Variants in B3GALNT2 observed in about 807,000 individuals in gnomAD.
B3GALNT2 encodes the protein beta-1,3-N-acetylgalactosaminyltransferase 2, also known as UDP-GalNAc:beta-1,3-N-acetylgalactosaminyltransferase 2.
Under a neutral mutation model 61.1 loss-of-function variants are expected in B3GALNT2, and 53 were observed. The ratio of observed to expected loss-of-function variants is 0.87; its 90% CI spans 0.70 to 1.09. B3GALNT2 has a LOEUF of 1.09. B3GALNT2 is among the 50% of genes least tolerant of loss of function. The pLI, the probability that B3GALNT2 is intolerant of heterozygous loss-of-function variation, is 0.00. For missense variants in B3GALNT2, 544 were observed against 623.0 expected (o/e 0.87, Z 1.35); for synonymous variants, 223 against 237.4 (o/e 0.94, Z 0.56).
At chr1:235,471,024 C>T in intron 5 of B3GALNT2, 64 bp from the exon 6 acceptor site, 1 of 1,562,522 alleles carries the variant, frequency 6.4e-7, no homozygotes, top group Non-Finnish European at 8.7e-7. Flanking sequence ...TTTAAGTATG[C>T]TTTCAGGCAA....
chr1:235,480,877 G>C (rs903698209), intron 4 of B3GALNT2, among the ~76,000 whole-genome samples: 1 of 112,518 alleles, frequency 8.9e-6, no homozygotes, highest in Non-Finnish European at 1.6e-5. Context: ...CTGCACTCCA[G>C]CCTGGACCGC....
chr1:235,448,542 C>G lies in B3GALNT2; in HGVS notation c.*1664G>C. 1 of 1,396,928 alleles carries G rather than the reference C, an allele frequency of 7.2e-7. No individual in the cohort carries two copies. Among genetic ancestry groups the G allele is most frequent in the Non-Finnish European group, 1.0e-6 (1 of 982,850 alleles). 86.5% of individuals were successfully genotyped at this position (1,396,928 alleles called of 1,614,324 possible). A position where few individuals can be genotyped will look rare whatever the true frequency, so the allele number is the denominator to read the frequency against. On this transcript the variant is annotated 3_prime_UTR_variant, in exon 12 of 12. Coordinates refer to ENST00000366600, the MANE Select transcript of B3GALNT2 (RefSeq NM_152490.5). ...CAACAGTTTGATTCTAAATGGAGACCATGGGTCTGTTTGTTTGATTTTAAG... is the reference window on the plus strand; with the variant it reads ...CAACAGTTTGATTCTAAATGGAGACGATGGGTCTGTTTGTTTGATTTTAAG...
rs1215801638 is a variant in B3GALNT2, at chr1:235,484,499, A to C, written c.378T>G (p.Ile126Met). 2 of 1,613,986 alleles carry C rather than the reference A, an allele frequency of 1.2e-6. No individual in the cohort carries two copies. Among genetic ancestry groups the C allele is most frequent in the African/African-American group, 2.7e-5 (2 of 75,048 alleles). Residue 126 changes from isoleucine (I) to methionine (M), a missense_variant, in exon 4 of 12, where the codon ATT becomes ATG. Ile to Met is a conservative substitution (Grantham distance 10). Coordinates refer to ENST00000366600, the MANE Select transcript of B3GALNT2 (RefSeq NM_152490.5). ...TGTCTTCGGACAGACTGAACGCTTC[A>C]ATTTCCTGATTCAAAACTAAGTAAT... Reference protein sequence around the residue: ...NITNPVLNQEIEAFSLSEDTS... With the variant: ...NITNPVLNQEMEAFSLSEDTS...
At chr1:235,485,923 T>C (rs546512218) in intron 3 of B3GALNT2, among the ~76,000 whole-genome samples, 6 of 152,266 alleles carry the variant, frequency 3.9e-5, no homozygotes, top group African/African-American at 1.4e-4. Context: ...GGTGAAACTC[T>C]GTCTCTACGA....
At chr1:235,446,228 T>C (rs1682272284), downstream of B3GALNT2, among the ~76,000 whole-genome samples, 2 of 152,050 alleles carry the variant, frequency 1.3e-5, no homozygotes, top group South Asian at 4.1e-4. Context: ...CAGGCTAGAG[T>C]GCAGTGGCAT....
intron 7 of B3GALNT2, among the ~76,000 whole-genome samples, chr1:235,460,594 G>C (rs1002319484): frequency 1.4e-5 from 2 of 147,336 alleles, no homozygotes; most frequent in African/African-American, 5.0e-5. Flanking sequence ...TTTTTTTTGA[G>C]ACAGGGTCTT....
rs766253909 is a variant in B3GALNT2, at chr1:235,458,794, G to A, written c.842-8C>T. The stretch of plus-strand genomic sequence containing the variant: ...GTAAGAGAGCATCACCTTCTATAAA[G>A]GAAAAGTTGAGAGTTGGAGAAAAAT... On this transcript the variant is annotated splice_region_variant and splice_polypyrimidine_tract_variant and intron_variant, in intron 7 of 11. Transcript: ENST00000366600. 6.4e-7 allele frequency: 1 copy of A among 1,567,974 alleles called. No individual in the cohort carries two copies. Among genetic ancestry groups the A allele is most frequent in the African/African-American group, 1.4e-5 (1 of 72,690 alleles).
rs746993541 is a variant in B3GALNT2 at position 235,455,670 on chromosome 1, G to C, written c.1040C>G (p.Thr347Arg). Residue 347 changes from threonine to arginine, a missense_variant, in exon 9 of 12, where the codon ACG (threonine) becomes AGG (arginine). Physicochemically the swap from Thr to Arg is moderately conservative, Grantham distance 71 (BLOSUM62 -1). Transcript: ENST00000366600. The part of the protein sequence containing the change: ...LNFYRWTVET[T>R]SFNLLLKTDD... ...TGTCTTCAGCAACAAATTGAAGCTC[G>C]TTGTTTCCACAGTCCTGTTGACACA... The C allele has an allele frequency of 6.2e-7, 1 of 1,609,016 alleles. No homozygotes were observed.
intron 7 of B3GALNT2, among the ~76,000 whole-genome samples, chr1:235,459,642 T>A (rs974195223): frequency 1.3e-5 from 2 of 151,656 alleles, no homozygotes; most frequent in African/African-American, 4.8e-5. Flanking sequence ...AATAAATAAA[T>A]AAAGAGACGT....
downstream of B3GALNT2, among the ~76,000 whole-genome samples, chr1:235,444,916 A>G (rs1682143150): frequency 6.6e-6 from 1 of 152,266 alleles, no homozygotes; most frequent in Non-Finnish European, 1.5e-5. Flanking sequence ...CCGTCTGGGC[A>G]TATGCCTGAA....
chr1:235,494,583 G>A lies in B3GALNT2; in HGVS notation c.260+98C>T, dbSNP rs539581881. On this transcript the variant is annotated intron_variant, in intron 2 of 11. Coordinates refer to ENST00000366600, the MANE Select transcript of B3GALNT2 (RefSeq NM_152490.5). ...GCAATCCTTCCACCTCAGCCTCCCCGGTAGCTGGGACGACGGGCACACACC... is the reference window on the plus strand; with the variant it reads ...GCAATCCTTCCACCTCAGCCTCCCCAGTAGCTGGGACGACGGGCACACACC... 702 of 1,327,362 alleles carry A rather than the reference G, an allele frequency of 5.3e-4. 3 individuals are homozygous for A. The African/African-American group carries it at 8.5e-3, about 16-fold the overall frequency. 82.2% of individuals were successfully genotyped at this position (1,327,362 alleles called of 1,614,324 possible).
chr1:235,469,404 T>C (rs761916129), intron 6 of B3GALNT2, among the ~76,000 whole-genome samples: 52 of 152,250 alleles, frequency 3.4e-4, no homozygotes, highest in Non-Finnish European at 2.8e-4. Flanking sequence ...AGTCTTCATA[T>C]ACCTGCTTTA....
intron 3 of B3GALNT2, 109 bp downstream of exon 3, chr1:235,489,059 T>C (rs1684938520): frequency 3.7e-6 from 5 of 1,354,318 alleles, no homozygotes; most frequent in African/African-American, 1.5e-5. Context: ...CTAAAACACA[T>C]AATAAAATAA....
chr1:235,484,622 T>C, intron 3 of B3GALNT2, 107 bp from the exon 4 acceptor site: 1 of 1,394,406 alleles, frequency 7.2e-7, no homozygotes, highest in Non-Finnish European at 9.3e-7. Flanking sequence ...AATCATTTGC[T>C]ATATAATTCA....
intron 6 of B3GALNT2, among the ~76,000 whole-genome samples, chr1:235,469,443 C>T (rs1426532041): frequency 6.6e-6 from 1 of 152,156 alleles, no homozygotes; most frequent in Non-Finnish European, 1.5e-5. Flanking sequence ...GAGAAATTCA[C>T]CTGTCAAACT....
At position 235,450,210 on chromosome 1, in the gene B3GALNT2, C is replaced by T; in HGVS notation, c.1499G>A (p.Arg500Lys). Residue 500 changes from arginine (R) to lysine (K), a missense_variant, in exon 12 of 12, where the codon AGA becomes AAA. By Grantham distance (26) the Arg-to-Lys change is conservative (BLOSUM62 2). Transcript: ENST00000366600. Reference protein sequence around the residue: ...RCGDPCRCQAR With the variant: ...RCGDPCRCQAK Reference sequence around the variant, plus strand: ...CTCTGCTAATTCAAGTCCCTGTTATCTTGCTTGACATCGACAAGGATCACC... The same window carrying T: ...CTCTGCTAATTCAAGTCCCTGTTATTTTGCTTGACATCGACAAGGATCACC... 1 of 1,614,136 alleles carries T rather than the reference C, an allele frequency of 6.2e-7. No individual in the cohort carries two copies. Among genetic ancestry groups the T allele is most frequent in the South Asian group, 1.1e-5 (1 of 91,080 alleles).
At chr1:235,439,944 G>A in the B3GALNT2 span, among the ~76,000 whole-genome samples, 1 of 151,932 alleles carries the variant, frequency 6.6e-6, no homozygotes, top group East Asian at 1.9e-4. Flanking sequence ...TGGGACTACA[G>A]GCGCACACCA....
intron 2 of B3GALNT2, among the ~76,000 whole-genome samples, chr1:235,493,635 G>A (rs374698358): frequency 1.6e-4 from 24 of 152,166 alleles, no homozygotes; most frequent in African/African-American, 4.8e-4. Flanking sequence ...AAAATTAGCC[G>A]GGCATGGTGG....
At chr1:235,502,501 T>C (rs1162161457) in intron 1 of B3GALNT2, among the ~76,000 whole-genome samples, 1 of 152,202 alleles carries the variant, frequency 6.6e-6, no homozygotes, top group Non-Finnish European at 1.5e-5. Context: ...TTAACATAAC[T>C]AGTATTGATC....
Sources: allele counts gnomAD v4.1 joint callset (sites outside exome capture counted in the v4.1 genomes callset), GRCh38; gene constraint gnomAD v4.1.1; transcripts MANE v1.5; gene names NCBI Gene and HGNC (gene_info 2026-07-23, HGNC 2026-07-21).